Variants in NR3C2 observed in about 807,000 individuals in gnomAD.
NR3C2 encodes mineralocorticoid receptor.
Under a neutral mutation model 86.4 loss-of-function variants are expected in NR3C2, and 15 were observed. The observed-to-expected ratio is 0.17, with a 90% CI of 0.12 to 0.27. The LOEUF is 0.27. Ranked by LOEUF, NR3C2 falls within the 10% of genes least tolerant of loss-of-function variation. The pLI, the probability that NR3C2 is intolerant of heterozygous loss-of-function variation, is 1.00. For missense variants in NR3C2, 960 were observed against 1,195.6 expected (o/e 0.80, Z 2.91); for synonymous variants, 458 against 450.5 (o/e 1.02, Z -0.21).
At chr4:148,376,186 C>T (rs1309136048) in intron 2 of NR3C2, among the ~76,000 whole-genome samples, 2 of 141,982 alleles carry the variant, frequency 1.4e-5, no homozygotes, top group Admixed American at 1.4e-4. Context: ...GGCATTTTAA[C>T]CACAACAACT....
intron 6 of NR3C2, among the ~76,000 whole-genome samples, chr4:148,145,644 G>C (rs1409069310): frequency 6.6e-6 from 1 of 152,224 alleles, no homozygotes; most frequent in Non-Finnish European, 1.5e-5. Flanking sequence ...TGGGGCCACA[G>C]TGAGACCGGC....
Position 148,154,954 on chromosome 4 carries a change from C to A in NR3C2, c.2015-53G>T, listed in dbSNP as rs897194366. On this transcript the variant is annotated intron_variant, in intron 4 of 8. Coordinates refer to ENST00000358102, the MANE Select transcript of NR3C2 (RefSeq NM_000901.5). ...AAATTAAAATTATGTTTGAAATATG[C>A]TGACTCACACTGGTTAAAGTACAGT... 21 of 1,368,722 alleles carry A rather than the reference C, an allele frequency of 1.5e-5. No homozygotes were observed. The Admixed American group carries it at 1.6e-4, about 10-fold the overall frequency. The allele number at this position is 1,368,722 out of a possible 1,614,324, so 84.8% of individuals were successfully genotyped here.
At chr4:148,349,130 A>C (rs1338126250) in intron 2 of NR3C2, among the ~76,000 whole-genome samples, 1 of 152,154 alleles carries the variant, frequency 6.6e-6, no homozygotes, top group Non-Finnish European at 1.5e-5. Flanking sequence ...AGTGGCAACA[A>C]CATCACAGGC....
chr4:148,237,676 T>C (rs1409977565), intron 3 of NR3C2, among the ~76,000 whole-genome samples: 1 of 151,380 alleles, frequency 6.6e-6, no homozygotes, highest in East Asian at 1.9e-4. Context: ...AATGGGTTTT[T>C]TTTTTTTTTT....
At chr4:148,276,273 T>C (rs1308966928) in intron 2 of NR3C2, among the ~76,000 whole-genome samples, 2 of 152,210 alleles carry the variant, frequency 1.3e-5, no homozygotes, top group East Asian at 3.8e-4. Context: ...GAATTCTGCA[T>C]ATAAATTAGG....
intron 4 of NR3C2, among the ~76,000 whole-genome samples, chr4:148,159,451 T>C (rs1300609435): frequency 6.6e-6 from 1 of 152,256 alleles, no homozygotes; most frequent in Non-Finnish European, 1.5e-5. Flanking sequence ...TGGCATTTCA[T>C]GTTCCAAGCA....
At chr4:148,332,377 T>G (rs552857026) in intron 2 of NR3C2, among the ~76,000 whole-genome samples, 1 of 152,194 alleles carries the variant, frequency 6.6e-6, no homozygotes, top group Non-Finnish European at 1.5e-5. Flanking sequence ...TTTTAAAATT[T>G]AAACCATTAT....
At chr4:148,325,094 G>A (rs539509522) in intron 2 of NR3C2, among the ~76,000 whole-genome samples, 1 of 151,798 alleles carries the variant, frequency 6.6e-6, no homozygotes, top group South Asian at 2.1e-4. Context: ...ACTAAGCAAG[G>A]AGCATAGTGG....
chr4:148,255,074 C>G (rs1047133819), intron 3 of NR3C2, among the ~76,000 whole-genome samples: 1 of 86 alleles, frequency 0.012, no homozygotes, highest in Non-Finnish European at 0.024. Context: ...TGCTCACTGC[C>G]CCCCCCCAAC....
At chr4:148,224,252 T>G (rs2149831118) in intron 3 of NR3C2, among the ~76,000 whole-genome samples, 1 of 152,206 alleles carries the variant, frequency 6.6e-6, no homozygotes, top group Non-Finnish European at 1.5e-5. Context: ...AGTCAAGAAT[T>G]TTATGACTAA....
At chr4:148,366,246 G>T (rs928960448) in intron 2 of NR3C2, among the ~76,000 whole-genome samples, 5 of 151,888 alleles carry the variant, frequency 3.3e-5, no homozygotes, top group Non-Finnish European at 7.4e-5. Context: ...CAATTATGAA[G>T]AAAGATATAT....
intron 4 of NR3C2, among the ~76,000 whole-genome samples, chr4:148,182,508 A>T (rs965208948): frequency 2.6e-5 from 4 of 152,220 alleles, no homozygotes; most frequent in Non-Finnish European, 5.9e-5. Flanking sequence ...TACTTTTTTA[A>T]AGGACCTCAA....
chr4:148,308,079 T>C (rs1464581737), intron 2 of NR3C2, among the ~76,000 whole-genome samples: 1 of 152,122 alleles, frequency 6.6e-6, no homozygotes, highest in African/African-American at 2.4e-5. Context: ...TTATCTTTAC[T>C]ACCAAACATT....
intron 2 of NR3C2, among the ~76,000 whole-genome samples, chr4:148,288,423 C>T (rs1741637505): frequency 2.6e-5 from 4 of 152,210 alleles, no homozygotes; most frequent in Non-Finnish European, 4.4e-5. Context: ...GGGTGGAAAA[C>T]CCACATAATG....
chr4:148,208,514 C>T (rs1737118929), intron 3 of NR3C2: 1 of 152,290 alleles, frequency 6.6e-6, no homozygotes, highest in Non-Finnish European at 1.5e-5. Flanking sequence ...CCCGTCCTTA[C>T]AGGACAAAAT....
intron 2 of NR3C2, among the ~76,000 whole-genome samples, chr4:148,333,384 A>G (rs1190099377): frequency 6.6e-6 from 1 of 152,132 alleles, no homozygotes; most frequent in Non-Finnish European, 1.5e-5. Context: ...CAAACAAACA[A>G]ACAAACCTCT....
chr4:148,362,722 T>C (rs563892041), intron 2 of NR3C2, among the ~76,000 whole-genome samples: 6 of 152,240 alleles, frequency 3.9e-5, no homozygotes, highest in African/African-American at 1.4e-4. Flanking sequence ...AACCAAAAAA[T>C]TCCCCATGTA....
chr4:148,299,307 T>G (rs182161601), intron 2 of NR3C2, among the ~76,000 whole-genome samples: 1 of 152,290 alleles, frequency 6.6e-6, no homozygotes, highest in East Asian at 1.9e-4. Context: ...TCCCCTTTTT[T>G]TTCTGAGGCT....
chr4:148,250,130 T>C (rs959686975), intron 3 of NR3C2, among the ~76,000 whole-genome samples: 1 of 152,186 alleles, frequency 6.6e-6, no homozygotes, highest in Non-Finnish European at 1.5e-5. Context: ...TAACTACTTA[T>C]CTCTAGAAAA....
Sources: gnomAD v4.1 joint callset for allele counts (sites outside exome capture counted in the v4.1 genomes callset) on GRCh38, gnomAD v4.1.1 for gene constraint, MANE v1.5 for transcripts, NCBI Gene and HGNC (gene_info 2026-07-23, HGNC 2026-07-21) for gene names.